SOX5: variants seen among roughly 807,000 people sequenced by gnomAD.
The protein encoded by SOX5 is SRY-box transcription factor 5.
Under a neutral mutation model 92.0 loss-of-function variants are expected in SOX5, and 9 were observed. The ratio of observed to expected loss-of-function variants is 0.10; its 90% CI spans 0.06 to 0.17. The LOEUF is 0.17. SOX5 is among the 10% of genes least tolerant of loss of function. The pLI is 1.00. For missense variants in SOX5, 642 were observed against 944.5 expected, an observed-to-expected ratio of 0.68 and a Z score of 4.20; for synonymous variants, 344 against 336.3, an observed-to-expected ratio of 1.02 and a Z score of -0.25.
chr12:23,620,827 C>A (rs1483675984), intron 8 of SOX5, among the ~76,000 whole-genome samples: 1 of 152,102 alleles, frequency 6.6e-6, no homozygotes, highest in East Asian at 1.9e-4. Context: ...CTCTTAACTT[C>A]TGCTCTCCTG....
At chr12:24,328,878 G>A (rs1052335642) in intron 2 of SOX5, among the ~76,000 whole-genome samples, 1 of 152,032 alleles carries the variant, frequency 6.6e-6, no homozygotes, top group Non-Finnish European at 1.5e-5. Context: ...TCAAATTAAC[G>A]TTATTGTTAG....
rs1436295765 is a variant in SOX5, at chr12:23,533,433, A to AACTT, written c.*782_*785dup. ...ATTGTCTAAGATTTAACACTGTCCT[A>AACTT]ACTTAAGAAGGAAAAGGAAAAAGTA... On this transcript the variant is annotated 3_prime_UTR_variant, in exon 15 of 15. Coordinates refer to ENST00000451604, the MANE Select transcript of SOX5 (RefSeq NM_006940.6). 5 of 206,314 alleles carry AACTT rather than the reference A, an allele frequency of 2.4e-5. No homozygotes were observed. Among genetic ancestry groups the AACTT allele is most frequent in the African/African-American group, 7.0e-5 (3 of 43,150 alleles). The allele number at this position is 206,314 out of a possible 1,614,324, so 12.8% of individuals were successfully genotyped here.
chr12:23,984,744 G>A (rs1348645008), intron 4 of SOX5, among the ~76,000 whole-genome samples: 1 of 152,162 alleles, frequency 6.6e-6, no homozygotes, highest in African/African-American at 2.4e-5. Flanking sequence ...AGCTCTTACT[G>A]TCATTTTATT....
chr12:23,751,453 C>T (rs1309513092), intron 4 of SOX5, among the ~76,000 whole-genome samples: 1 of 151,624 alleles, frequency 6.6e-6, no homozygotes, highest in African/African-American at 2.4e-5. Context: ...TTATAGGATC[C>T]CTTACTAGAT....
rs115646028 is a variant in SOX5 at position 24,041,555 on chromosome 12, C to T, written c.-1-145531G>A. Among the ~76,000 whole-genome samples the T allele has an allele frequency of 2.1e-3, 324 of 152,188 alleles. 1 individual carries two copies. Among genetic ancestry groups the T allele is most frequent in the African/African-American group, 7.2e-3 (300 of 41,550 alleles). ...ACTACATTGCTTAAAGTCCTTAAAC[C>T]GCTTACTTTATTATTTCTTTCTCAA... On this transcript the variant is annotated intron_variant, in intron 4 of 4. Coordinates refer to the SOX5 transcript ENST00000446891.
At chr12:23,543,441 C>G in intron 12 of SOX5, 57 bp from the exon 13 acceptor site, 1 of 1,331,718 alleles carries the variant, frequency 7.5e-7, no homozygotes. Context: ...AGCTCTTTTC[C>G]TTGCATTCCT....
intron 1 of SOX5, among the ~76,000 whole-genome samples, chr12:24,384,993 C>T (rs868705610): frequency 1.6e-4 from 24 of 152,022 alleles, no homozygotes; most frequent in South Asian, 4.2e-4. Context: ...AAGAAGAAAG[C>T]TGAATCCAGT....
At position 24,179,267 on chromosome 12, in the gene SOX5, G is replaced by C. The variant is rs138752709; in HGVS notation, c.-2+34076C>G. 1.5e-3 allele frequency among the ~76,000 whole-genome samples: 225 copies of C among 152,248 alleles called. 1 individual carries two copies. The highest frequency in any genetic ancestry group is 5.1e-3 in the African/African-American group (213 of 41,538). ...TTTTTGTAACACTTTCCATGGAAAA[G>C]GTGCCCTGGTATGTTACCTTGACAT... On this transcript the variant is annotated intron_variant, in intron 4 of 4. Coordinates refer to the SOX5 transcript ENST00000446891.
intron 9 of SOX5, among the ~76,000 whole-genome samples, chr12:23,603,528 T>C (rs1271666432): frequency 1.3e-5 from 2 of 149,736 alleles, no homozygotes; most frequent in African/African-American, 4.9e-5. Context: ...AATCAAATTA[T>C]TTGTGGTTGT....
Position 24,074,037 on chromosome 12 carries a change from C to T in SOX5, c.-2+139306G>A, listed in dbSNP as rs1339321329. 2.6e-5 allele frequency among the ~76,000 whole-genome samples: 4 copies of T among 151,936 alleles called. No individual in the cohort carries two copies. In the East Asian group the frequency reaches 7.8e-4, roughly 29 times the overall value. ...CTAGCCTGGATGACAGAGACCATGC[C>T]TACATCCCTCAAAAAAAAAAGCTCA... On this transcript the variant is annotated intron_variant, in intron 4 of 4. Transcript: ENST00000446891.
chr12:24,167,650 T>A (rs1340669267), intron 4 of SOX5, among the ~76,000 whole-genome samples: 23 of 152,248 alleles, frequency 1.5e-4, no homozygotes, highest in Non-Finnish European at 5.9e-5. Context: ...TAAATGAGTC[T>A]ACAGAAGGTA....
intron 1 of SOX5, among the ~76,000 whole-genome samples, chr12:24,543,719 C>A: frequency 6.6e-6 from 1 of 152,136 alleles, no homozygotes; most frequent in African/African-American, 2.4e-5. Flanking sequence ...TATGCAAATG[C>A]AAATAGTTAT....
chr12:23,855,417 T>A (rs1157559581), intron 2 of SOX5, among the ~76,000 whole-genome samples: 1 of 152,034 alleles, frequency 6.6e-6, no homozygotes, highest in Non-Finnish European at 1.5e-5. Flanking sequence ...AGGGAAACAA[T>A]CAAAGAAAAG....
intron 3 of SOX5, among the ~76,000 whole-genome samples, chr12:23,768,927 CA>C (rs1163594751): frequency 1.3e-5 from 2 of 151,970 alleles, no homozygotes; most frequent in Non-Finnish European, 2.9e-5. Context: ...TACCAAAGAA[CA>C]AAAGATAAAT....
intron 3 of SOX5, among the ~76,000 whole-genome samples, chr12:24,256,154 G>A (rs1241032192): frequency 2.0e-5 from 3 of 152,194 alleles, no homozygotes; most frequent in African/African-American, 4.8e-5. Context: ...TGGGAAGCCC[G>A]AGATGTGTGG....
chr12:23,901,863 T>A (rs1462657530), intron 1 of SOX5, among the ~76,000 whole-genome samples: 1 of 152,204 alleles, frequency 6.6e-6, no homozygotes, highest in African/African-American at 2.4e-5. Flanking sequence ...TAAGATTAAA[T>A]CTTATAGGAC....
intron 6 of SOX5, among the ~76,000 whole-genome samples, chr12:23,676,235 A>T (rs983666321): frequency 6.6e-6 from 1 of 152,202 alleles, no homozygotes; most frequent in East Asian, 1.9e-4. Context: ...TACAAAAAAA[A>T]GTAATTATGT....
intron 2 of SOX5, among the ~76,000 whole-genome samples, chr12:24,325,979 C>T (rs1363523422): frequency 6.6e-6 from 1 of 152,178 alleles, no homozygotes; most frequent in African/African-American, 2.4e-5. Context: ...GTTAGAAAAA[C>T]TTTAAGTCCA....
intron 6 of SOX5, among the ~76,000 whole-genome samples, chr12:23,683,546 A>T (rs1406217102): frequency 6.6e-6 from 1 of 151,920 alleles, no homozygotes; most frequent in African/African-American, 2.4e-5. Flanking sequence ...CCTAAAGGTC[A>T]CATGTGGTTC....
Sources: gnomAD v4.1 joint callset for allele counts (sites outside exome capture counted in the v4.1 genomes callset) on GRCh38, gnomAD v4.1.1 for gene constraint, MANE v1.5 for transcripts, NCBI Gene and HGNC (gene_info 2026-07-23, HGNC 2026-07-21) for gene names.